Variants in NUP88 observed in about 807,000 individuals in gnomAD.
NUP88 encodes the protein nuclear pore complex protein Nup88.
In NUP88, 57 loss-of-function variants were observed where a neutral mutation model predicts 93.9. That is an observed-to-expected ratio of 0.61 (90% CI 0.49 to 0.76). The LOEUF (loss-of-function observed/expected upper bound fraction) is 0.76. Among genes scored for constraint, NUP88 ranks in the 30% least tolerant of loss-of-function variants. The pLI is 0.00. For missense variants in NUP88, 911 were observed against 901.0 expected (o/e 1.01, Z -0.14); for synonymous variants, 346 against 336.8 (o/e 1.03, Z -0.30).
At position 5,405,098 on chromosome 17, in the gene NUP88, G is replaced by A. The variant is rs1383170861; in HGVS notation, c.1003C>T (p.His335Tyr). 1.2e-6 allele frequency: 2 copies of A among 1,614,024 alleles called. No homozygotes were observed. Among genetic ancestry groups the A allele is most frequent in the Non-Finnish European group, 1.7e-6 (2 of 1,180,018 alleles). ...TCTTCCCCTTCTAGCACGACACAGT[G>A]ATACAGCATTCCTGATTCAGTAGCG... ...VIATESGMLY[H>Y]CVVLEGEEED... The change falls in exon 6 of 17, where the codon CAC (histidine) becomes TAC (tyrosine). Residue 335 changes from histidine to tyrosine, a missense_variant. Transcript: ENST00000573584.
At chr17:5,389,775 CAAAAA>C (rs58723410) in intron 10 of NUP88, among the ~76,000 whole-genome samples, 17 of 76,580 alleles carry the variant, frequency 2.2e-4, no homozygotes, top group African/African-American at 3.3e-4. Flanking sequence ...GACTCTGTCT[CAAAAA>C]AAAAAAAAAA....
At chr17:5,389,494 T>C (rs1912270519) in intron 10 of NUP88, among the ~76,000 whole-genome samples, 1 of 152,194 alleles carries the variant, frequency 6.6e-6, no homozygotes, top group Admixed American at 6.5e-5. Context: ...ACGTGAATGT[T>C]TGGTTGGGCG....
chr17:5,392,999 C>T (rs1350370208), intron 9 of NUP88, among the ~76,000 whole-genome samples: 1 of 152,042 alleles, frequency 6.6e-6, no homozygotes, highest in Non-Finnish European at 1.5e-5. Flanking sequence ...GTTGCCCAGG[C>T]TGGAGTGCAG....
intron 5 of NUP88, among the ~76,000 whole-genome samples, chr17:5,406,501 C>T (rs893070195): frequency 1.3e-5 from 2 of 152,010 alleles, no homozygotes; most frequent in Non-Finnish European, 2.9e-5. Context: ...TTAAATCAAG[C>T]GATGGAGCCT....
At chr17:5,402,238 C>T (rs1452976261) in intron 7 of NUP88, among the ~76,000 whole-genome samples, 1 of 151,586 alleles carries the variant, frequency 6.6e-6, no homozygotes, top group African/African-American at 2.4e-5. Flanking sequence ...ACCCAGGGGG[C>T]GGAGGTTGAA....
intron 1 of NUP88, among the ~76,000 whole-genome samples, chr17:5,419,145 T>C (rs1034198187): frequency 1.3e-5 from 2 of 152,382 alleles, no homozygotes; most frequent in South Asian, 2.1e-4. Flanking sequence ...AGTATTTTTA[T>C]TGAATATTCA....
At chr17:5,402,826 CG>C in intron 7 of NUP88, among the ~76,000 whole-genome samples, 1 of 152,218 alleles carries the variant, frequency 6.6e-6, no homozygotes, top group East Asian at 1.9e-4. Flanking sequence ...GGCAAAATCC[CG>C]TATCTACCAA....
chr17:5,400,445 G>A (rs950564854), intron 7 of NUP88, among the ~76,000 whole-genome samples: 1 of 148,484 alleles, frequency 6.7e-6, no homozygotes, highest in Non-Finnish European at 1.5e-5. Context: ...GCAGTGAGCC[G>A]AGATTGCGCC....
At chr17:5,409,636 C>A (rs1271407537) in intron 4 of NUP88, among the ~76,000 whole-genome samples, 2 of 152,084 alleles carry the variant, frequency 1.3e-5, no homozygotes, top group Non-Finnish European at 1.5e-5. Flanking sequence ...TTTCTAGGGT[C>A]TGGGAATATG....
intron 8 of NUP88, among the ~76,000 whole-genome samples, chr17:5,399,186 C>T (rs1026897641): frequency 4.0e-4 from 54 of 134,208 alleles, no homozygotes; most frequent in South Asian, 3.3e-3. Flanking sequence ...CCACCGCACC[C>T]GGCCTTTTTT....
chr17:5,386,542 C>T, intron 16 of NUP88, 166 bp downstream of exon 16: 1 of 641,602 alleles, frequency 1.6e-6, no homozygotes, highest in Non-Finnish European at 2.7e-6. Flanking sequence ...TCAATCCTCC[C>T]ACCATAGTCA....
chr17:5,403,156 C>A (rs1285145726), intron 7 of NUP88, among the ~76,000 whole-genome samples: 1 of 152,032 alleles, frequency 6.6e-6, no homozygotes. Context: ...CCAGCCTGGC[C>A]AACATGGTGA....
chr17:5,415,160 C>T (rs1914064886), intron 2 of NUP88, among the ~76,000 whole-genome samples: 3 of 151,844 alleles, frequency 2.0e-5, no homozygotes, highest in African/African-American at 7.2e-5. Context: ...GCTGGGACTA[C>T]AGGCGTGTGC....
chr17:5,403,486 G>A (rs1047301635), intron 7 of NUP88, among the ~76,000 whole-genome samples: 14 of 151,812 alleles, frequency 9.2e-5, no homozygotes, highest in African/African-American at 2.9e-4. Context: ...CAAAATAAAT[G>A]AATAAATGAA....
At chr17:5,405,290 T>A in intron 5 of NUP88, 47 bp from the exon 6 acceptor site, 1 of 1,492,186 alleles carries the variant, frequency 6.7e-7, no homozygotes, top group African/African-American at 1.4e-5. Flanking sequence ...ACAGTATGCA[T>A]GCTCATCCCA....
Position 5,386,783 on chromosome 17 carries a change from A to C in NUP88, c.2087T>G (p.Val696Gly). The part of the protein sequence containing the change: ...KDYQQQKMEK[V>G]LSLPKPTIIL... ...AATGGTGGGTTTTGGAAGACTCAAC[A>C]CCTTCTCCATCTTTTGCTGTTGATA... The change falls in exon 16 of 17, where the codon GTG becomes GGG. Residue 696 changes from valine to glycine, a missense_variant. Transcript: ENST00000573584. 2 of 1,614,036 alleles carry C rather than the reference A, an allele frequency of 1.2e-6. No individual in the cohort carries two copies. The highest frequency in any genetic ancestry group is 2.2e-5 in the South Asian group (2 of 91,068).
Position 5,391,609 on chromosome 17 carries a change from G to GT in NUP88, c.1435dup (p.Thr479AsnfsTer10). 1 of 1,614,142 alleles carries GT rather than the reference G, an allele frequency of 6.2e-7. No individual in the cohort carries two copies. Among genetic ancestry groups the GT allele is most frequent in the Non-Finnish European group, 8.5e-7 (1 of 1,179,994 alleles). On this transcript the variant is annotated frameshift_variant, in exon 10 of 17. Coordinates refer to ENST00000573584, the MANE Select transcript of NUP88 (RefSeq NM_002532.6). LOFTEE classifies it high-confidence loss of function. ...ATAGGTACTGGTGATGCAGATCATC[G>GT]TGGGTCCCAGAATGTCAGGTACAAT...
chr17:5,391,453 G>T (rs2144766234), intron 10 of NUP88, 108 bp downstream of exon 10: 1 of 821,984 alleles, frequency 1.2e-6, no homozygotes, highest in Non-Finnish European at 2.0e-6. Flanking sequence ...AGAAGCCAAA[G>T]TATAAACCAC....
At chr17:5,390,294 T>C (rs1040667521) in intron 10 of NUP88, among the ~76,000 whole-genome samples, 1 of 152,238 alleles carries the variant, frequency 6.6e-6, no homozygotes, top group African/African-American at 2.4e-5. Flanking sequence ...TTAAAAAGTA[T>C]GCTGAGGTAA....
Sources: allele counts gnomAD v4.1 joint callset (sites outside exome capture counted in the v4.1 genomes callset), GRCh38; gene constraint gnomAD v4.1.1; transcripts MANE v1.5; gene names NCBI Gene and HGNC (gene_info 2026-07-23, HGNC 2026-07-21).